The following KATNIP variants were observed in gnomAD, a reference collection of about 807,000 sequenced individuals.
KATNIP encodes the protein katanin interacting protein, also known as katanin-interacting protein.
KATNIP carries 126 observed loss-of-function variants against 174.0 expected under a neutral mutation model. The observed-to-expected ratio is 0.72, with a 90% CI of 0.63 to 0.84. KATNIP has a LOEUF of 0.84. Ranked by LOEUF, KATNIP falls within the 40% of genes least tolerant of loss-of-function variation. KATNIP has a pLI of 0.00. For synonymous variants in KATNIP, 810 were observed against 835.7 expected, an observed-to-expected ratio of 0.97 and a Z score of 0.53; for missense variants, 1,958 against 2,109.7, an observed-to-expected ratio of 0.93 and a Z score of 1.41.
chr16:27,655,086 G>C (rs1048599689), intron 6 of KATNIP, among the ~76,000 whole-genome samples: 14 of 150,352 alleles, frequency 9.3e-5, no homozygotes, highest in African/African-American at 2.9e-4. Flanking sequence ...CTATGATTGT[G>C]CTACTGCATG....
chr16:27,648,761 C>A lies in KATNIP; in HGVS notation c.540+26C>A, dbSNP rs58888399. 144 of 1,608,126 alleles carry A rather than the reference C, an allele frequency of 9.0e-5. No individual in the cohort carries two copies. The African/African-American group carries it at 1.8e-3, about 20-fold the overall frequency. On this transcript the variant is annotated intron_variant, in intron 6 of 27. Transcript: ENST00000261588. ...GTAGGGATGGCCTTGGCCTTGTGCT[C>A]GGGACACCTGAAGGACGGCGAGGCT...
chr16:27,582,545 T>C (rs1419441953), intron 2 of KATNIP, among the ~76,000 whole-genome samples: 1 of 152,172 alleles, frequency 6.6e-6, no homozygotes, highest in Non-Finnish European at 1.5e-5. Flanking sequence ...CCTGGTAACA[T>C]TGACAACTTC....
At chr16:27,664,963 C>T (rs1267704523) in intron 6 of KATNIP, among the ~76,000 whole-genome samples, 1 of 152,114 alleles carries the variant, frequency 6.6e-6, no homozygotes, top group Non-Finnish European at 1.5e-5. Flanking sequence ...GCAGCCTGTC[C>T]CCGGCTATAT....
At chr16:27,586,838 A>C (rs1490377126) in intron 2 of KATNIP, among the ~76,000 whole-genome samples, 3 of 151,496 alleles carry the variant, frequency 2.0e-5, no homozygotes, top group African/African-American at 4.8e-5. Context: ...CAAAAAAAAA[A>C]AAACAAAAAA....
chr16:27,643,539 C>T (rs1305864752), intron 5 of KATNIP, among the ~76,000 whole-genome samples: 2 of 122,364 alleles, frequency 1.6e-5, no homozygotes, highest in African/African-American at 6.3e-5. Context: ...TGCAGTGAGT[C>T]GAGATCACCC....
rs575307476 is a variant in KATNIP, at chr16:27,776,235, C to G, written c.4450-693C>G. ...CTGAGGATGGTCACAGGCTGGGGAC[C>G]AGGGCCTGGGGCAGGACTGAGCCTG... On this transcript the variant is annotated intron_variant, in intron 24 of 27. Transcript: ENST00000261588. This position sits in a 1 kb window ranked among gnomAD's most constrained non-coding sequence, Gnocchi z 4.7. Among the ~76,000 whole-genome samples the G allele has an allele frequency of 6.6e-6, 1 of 152,242 alleles. No individual in the cohort carries two copies. The highest frequency in any genetic ancestry group is 1.9e-4 in the East Asian group (1 of 5,160).
chr16:27,646,915 C>T (rs2076974240), intron 5 of KATNIP, among the ~76,000 whole-genome samples: 1 of 152,214 alleles, frequency 6.6e-6, no homozygotes, highest in Non-Finnish European at 1.5e-5. Flanking sequence ...TCACTCCCAC[C>T]TCCCCATTGC....
chr16:27,645,650 T>C (rs1046247930), intron 5 of KATNIP, among the ~76,000 whole-genome samples: 1 of 152,196 alleles, frequency 6.6e-6, no homozygotes, highest in Admixed American at 6.5e-5. Flanking sequence ...ACCCAGCTTC[T>C]CTGTTGCGCT....
chr16:27,577,006 T>C (rs976027505), intron 2 of KATNIP, among the ~76,000 whole-genome samples: 1 of 152,142 alleles, frequency 6.6e-6, no homozygotes. Flanking sequence ...CGGGTACTTC[T>C]TTGAGGGATC....
intron 6 of KATNIP, among the ~76,000 whole-genome samples, chr16:27,650,192 T>G (rs1036487935): frequency 8.7e-5 from 13 of 149,576 alleles, no homozygotes; most frequent in Admixed American, 8.7e-4. Context: ...AGGAGTGGCT[T>G]GGCAAGGAGC....
chr16:27,779,222 T>C lies in KATNIP; in HGVS notation c.*593T>C, dbSNP rs2082611512. On this transcript the variant is annotated 3_prime_UTR_variant, in exon 28 of 28. Transcript: ENST00000261588. ...TCCACAAGACCCTCTCTCATCCCGG[T>C]ATAGGGGCCTCTCTCCTCTCATCGG... 6.6e-6 allele frequency: 1 copy of C among 152,274 alleles called. No individual in the cohort carries two copies. The highest frequency in any genetic ancestry group is 2.1e-4 in the South Asian group (1 of 4,834). The allele number at this position is 152,274 out of a possible 1,614,324, so 9.4% of individuals were successfully genotyped here.
intron 2 of KATNIP, among the ~76,000 whole-genome samples, chr16:27,615,833 G>A (rs757818369): frequency 5.3e-5 from 8 of 152,102 alleles, no homozygotes; most frequent in African/African-American, 1.4e-4. Flanking sequence ...TCTTGGGTAG[G>A]GTTCTAATAG....
rs1326957667 is a variant in KATNIP at position 27,778,925 on chromosome 16, T to C, written c.*296T>C. The C allele has an allele frequency of 1.9e-5, 7 of 365,024 alleles. No individual in the cohort carries two copies. The highest frequency in any genetic ancestry group is 3.4e-5 in the Non-Finnish European group (7 of 203,206). 22.6% of individuals were successfully genotyped at this position (365,024 alleles called of 1,614,324 possible). A position where few individuals can be genotyped will look rare whatever the true frequency, so the allele number is the denominator to read the frequency against. On this transcript the variant is annotated 3_prime_UTR_variant, in exon 28 of 28. Transcript: ENST00000261588. ...CCAGCAAAGCAGGGCCCATGACCAC[T>C]AGGGCCTGGGCTGACCCTGACTCAG... is the stretch of plus-strand genomic sequence containing the variant.
chr16:27,766,608 A>G (rs2082135063), intron 20 of KATNIP, 134 bp downstream of exon 20: 1 of 864,912 alleles, frequency 1.2e-6, no homozygotes, highest in Admixed American at 2.7e-5. Context: ...CGTTATGTCC[A>G]GGGAGAGAGA....
intron 2 of KATNIP, among the ~76,000 whole-genome samples, chr16:27,588,896 T>C (rs2091003095): frequency 6.8e-6 from 1 of 146,118 alleles, no homozygotes; most frequent in African/African-American, 2.6e-5. Flanking sequence ...TTTTTTTTTT[T>C]TTTGAACCGG....
chr16:27,731,340 G>A lies in KATNIP; in HGVS notation c.1744-8701G>A, dbSNP rs114787124. Among the ~76,000 whole-genome samples, 1,173 of 152,324 alleles carry A rather than the reference G, an allele frequency of 7.7e-3. 14 individuals are homozygous for A. Among genetic ancestry groups the A allele is most frequent in the African/African-American group, 0.027 (1,121 of 41,562 alleles). ...CTCTGAGCCAGGCCAACCTTGAGCA[G>A]CCAGCCTCGACGGGTCTATATACAT... On this transcript the variant is annotated intron_variant, in intron 14 of 27. Coordinates refer to ENST00000261588, the MANE Select transcript of KATNIP (RefSeq NM_015202.5).
intron 2 of KATNIP, among the ~76,000 whole-genome samples, chr16:27,614,339 T>C (rs2075981939): frequency 1.3e-5 from 2 of 152,140 alleles, no homozygotes; most frequent in African/African-American, 4.8e-5. Flanking sequence ...TTTTGTATTT[T>C]TAGTTGAGAT....
At position 27,717,865 on chromosome 16, in the gene KATNIP, C is replaced by G. The variant is rs558724293; in HGVS notation, c.1606-3693C>G. Reference sequence around the variant, plus strand: ...GAGTTGGTATTTATACCCCAACTCCCGGGCCCCATTGGTGCAGTCACTCTG... The same window carrying G: ...GAGTTGGTATTTATACCCCAACTCCGGGGCCCCATTGGTGCAGTCACTCTG... On this transcript the variant is annotated intron_variant, in intron 13 of 27. Transcript: ENST00000261588. 4.6e-5 allele frequency among the ~76,000 whole-genome samples: 7 copies of G among 152,250 alleles called. No homozygotes were observed. In the South Asian group the frequency reaches 1.5e-3, roughly 32 times the overall value.
At chr16:27,612,800 G>A (rs571115173) in intron 2 of KATNIP, among the ~76,000 whole-genome samples, 1 of 152,052 alleles carries the variant, frequency 6.6e-6, no homozygotes, top group South Asian at 2.1e-4. Flanking sequence ...GCACTTGCCA[G>A]TCCTACTGAG....
Sources: gnomAD v4.1 joint callset for allele counts (sites outside exome capture counted in the v4.1 genomes callset) on GRCh38, gnomAD v4.1.1 for gene constraint, Gnocchi (gnomAD v3.1) non-coding constraint, MANE v1.5 for transcripts, NCBI Gene and HGNC (gene_info 2026-07-23, HGNC 2026-07-21) for gene names.